The following SCN9A variants were observed in gnomAD, a reference collection of about 807,000 sequenced individuals.
SCN9A encodes sodium channel protein type 9 subunit alpha.
SCN9A carries 131 observed loss-of-function variants against 187.0 expected under a neutral mutation model. The ratio of observed to expected loss-of-function variants is 0.70; its 90% CI spans 0.61 to 0.81. The LOEUF (loss-of-function observed/expected upper bound fraction) is 0.81. Ranked by LOEUF, SCN9A falls within the 30% of genes least tolerant of loss-of-function variation. SCN9A has a pLI of 0.00. For synonymous variants in SCN9A, 809 were observed against 808.6 expected (o/e 1.00, Z -0.01); for missense variants, 2,252 against 2,396.6 (o/e 0.94, Z 1.26).
intron 9 of SCN9A, among the ~76,000 whole-genome samples, chr2:166,291,337 A>G (rs1472220010): frequency 2.0e-5 from 3 of 152,190 alleles, no homozygotes; most frequent in Non-Finnish European, 2.9e-5. Context: ...ATTGCTATAA[A>G]GAGAATAAAA....
At chr2:166,303,692 A>G (rs1698656664) in intron 6 of SCN9A, among the ~76,000 whole-genome samples, 1 of 152,200 alleles carries the variant, frequency 6.6e-6, no homozygotes, top group Non-Finnish European at 1.5e-5. Flanking sequence ...GAGAAAAAAT[A>G]AAAAACAATG....
chr2:166,284,435 T>C lies in SCN9A; in HGVS notation c.1974+18A>G, dbSNP rs1697634869. ...AACAAGGGCCCAGCCATGCCTGAGCTATGTAAAACGTCCTTACGCTGTCAT... is the reference window on the plus strand; with the variant it reads ...AACAAGGGCCCAGCCATGCCTGAGCCATGTAAAACGTCCTTACGCTGTCAT... On this transcript the variant is annotated intron_variant, in intron 12 of 26. Coordinates refer to ENST00000642356, the MANE Select transcript of SCN9A (RefSeq NM_001365536.1). 6.3e-7 allele frequency: 1 copy of C among 1,589,812 alleles called. No individual in the cohort carries two copies. The highest frequency in any genetic ancestry group is 8.6e-7 in the Non-Finnish European group (1 of 1,168,472).
intron 5 of SCN9A, among the ~76,000 whole-genome samples, chr2:166,304,663 C>G (rs1244646638): frequency 6.6e-6 from 1 of 151,866 alleles, no homozygotes; most frequent in Non-Finnish European, 1.5e-5. Context: ...GTGTCAGACA[C>G]AAAAGGCTGC....
chr2:166,322,908 A>C (rs1045641479), intron 1 of SCN9A, among the ~76,000 whole-genome samples: 1 of 152,138 alleles, frequency 6.6e-6, no homozygotes, highest in Non-Finnish European at 1.5e-5. Context: ...ATGTTGAGGC[A>C]TTTAGGACAT....
chr2:166,238,617 C>T (rs988155639), intron 19 of SCN9A, among the ~76,000 whole-genome samples: 32 of 152,168 alleles, frequency 2.1e-4, no homozygotes, highest in African/African-American at 7.5e-4. Context: ...GACATGATCC[C>T]ATGGCCAGCC....
chr2:166,238,991 C>T (rs997372829), intron 19 of SCN9A, among the ~76,000 whole-genome samples: 1 of 152,130 alleles, frequency 6.6e-6, no homozygotes, highest in South Asian at 2.1e-4. Context: ...GTAGGGCTTA[C>T]GCTTTACTGT....
In SCN9A at chr2:166,244,536, T is replaced by C. The variant is rs536849531; in HGVS notation, c.3473-1880A>G. ...ATCACTTCCTAATTATTTTACTGTA[T>C]TTTATTTGTCTATTCCGTTTGAATA... On this transcript the variant is annotated intron_variant, in intron 18 of 26. Coordinates refer to ENST00000642356, the MANE Select transcript of SCN9A (RefSeq NM_001365536.1). Among the ~76,000 whole-genome samples, 31 of 152,218 alleles carry C rather than the reference T, an allele frequency of 2.0e-4. No individual in the cohort carries two copies. The South Asian group carries it at 3.1e-3, about 15-fold the overall frequency.
chr2:166,213,459 C>CAATAAT (rs75970260), intron 24 of SCN9A, among the ~76,000 whole-genome samples: 48,742 of 140,660 alleles, frequency 0.35, 8,566 homozygotes, highest in East Asian at 0.45. Context: ...CAAATTGAAC[C>CAATAAT]AATAATAATA....
chr2:166,345,588 T>G (rs1699882188), intron 1 of SCN9A, among the ~76,000 whole-genome samples: 1 of 151,806 alleles, frequency 6.6e-6, no homozygotes, highest in Non-Finnish European at 1.5e-5. Context: ...AAAAACAATC[T>G]AGGCATTTCA....
chr2:166,329,462 T>C (rs1405750347), intron 1 of SCN9A, among the ~76,000 whole-genome samples: 4 of 152,070 alleles, frequency 2.6e-5, no homozygotes, highest in African/African-American at 7.2e-5. Context: ...TACAACATGA[T>C]GCTATTGGAT....
At chr2:166,364,954 T>G (rs980443453) in intron 1 of SCN9A, among the ~76,000 whole-genome samples, 1 of 152,138 alleles carries the variant, frequency 6.6e-6, no homozygotes, top group Non-Finnish European at 1.5e-5. Context: ...CCTGACAACA[T>G]GCGGTGTCTC....
intron 1 of SCN9A, among the ~76,000 whole-genome samples, chr2:166,340,476 T>G (rs534357040): frequency 4.0e-5 from 6 of 151,864 alleles, no homozygotes; most frequent in Non-Finnish European, 5.9e-5. Context: ...GTTTTCTTTC[T>G]TTCTCTTTCT....
At chr2:166,355,568 TTC>T (rs1363923925) in intron 1 of SCN9A, among the ~76,000 whole-genome samples, 2 of 152,080 alleles carry the variant, frequency 1.3e-5, no homozygotes, top group Non-Finnish European at 2.9e-5. Context: ...TCACAAAAAT[TTC>T]TTTTTTTTTT....
chr2:166,295,863 G>GTTCTCATCAA (rs1331058530), intron 7 of SCN9A, among the ~76,000 whole-genome samples: 1 of 152,152 alleles, frequency 6.6e-6, no homozygotes, highest in East Asian at 1.9e-4. Flanking sequence ...AGTAGTAAAA[G>GTTCTCATCAA]TTCTCATCAA....
chr2:166,246,345 T>C (rs1404736125), intron 18 of SCN9A, among the ~76,000 whole-genome samples: 1 of 151,930 alleles, frequency 6.6e-6, no homozygotes, highest in Non-Finnish European at 1.5e-5. Flanking sequence ...GAATGGAAAA[T>C]CTACACATAG....
At chr2:166,205,150 G>GA (rs368308764) in intron 24 of SCN9A, 11 of 151,782 alleles carry the variant, frequency 7.2e-5, no homozygotes, top group Non-Finnish European at 1.2e-4. Context: ...CACAAAATTG[G>GA]AAAAAAACTA....
At chr2:166,360,719 T>C (rs868659639) in intron 1 of SCN9A, among the ~76,000 whole-genome samples, 1 of 152,166 alleles carries the variant, frequency 6.6e-6, no homozygotes, top group Non-Finnish European at 1.5e-5. Context: ...AAAGTTATCA[T>C]GTAGAATAGA....
At chr2:166,226,500 C>A in intron 24 of SCN9A, 67 bp downstream of exon 24, 1 of 1,123,864 alleles carries the variant, frequency 8.9e-7, no homozygotes, top group African/African-American at 1.6e-5. Context: ...TTAAACTTTA[C>A]ATTATCTTTT....
intron 3 of SCN9A, among the ~76,000 whole-genome samples, 168 bp downstream of exon 3, chr2:166,306,788 C>T (rs1221174558): frequency 6.6e-6 from 1 of 152,120 alleles, no homozygotes; most frequent in East Asian, 1.9e-4. Flanking sequence ...TATTGCCACT[C>T]TCCCAGTCTT....
Sources: allele counts gnomAD v4.1 joint callset (sites outside exome capture counted in the v4.1 genomes callset), GRCh38; gene constraint gnomAD v4.1.1; transcripts MANE v1.5; gene names NCBI Gene and HGNC (gene_info 2026-07-23, HGNC 2026-07-21).